The following NEXMIF variants were observed in gnomAD, a reference collection of about 807,000 sequenced individuals.
The protein encoded by NEXMIF is neurite extension and migration factor.
Under a neutral mutation model 62.1 loss-of-function variants are expected in NEXMIF, and 8 were observed. That is an observed-to-expected ratio of 0.13 (90% CI 0.08 to 0.23). NEXMIF has a LOEUF of 0.23. Among genes scored for constraint, NEXMIF ranks in the 10% least tolerant of loss-of-function variants. NEXMIF has a pLI of 1.00. For missense variants in NEXMIF, 976 were observed against 1,113.3 expected, an observed-to-expected ratio of 0.88 and a Z score of 1.75; for synonymous variants, 404 against 416.6, an observed-to-expected ratio of 0.97 and a Z score of 0.37.
At chrX:74,787,200 G>A (rs1462939143) in intron 1 of NEXMIF, among the ~76,000 whole-genome samples, 1 of 107,844 alleles carries the variant, frequency 9.3e-6, no homozygotes, top group African/African-American at 3.4e-5. Context: ...GGAGAATGGC[G>A]TGAACCCAGG....
chrX:74,874,277 A>C (rs2080618304), intron 1 of NEXMIF, among the ~76,000 whole-genome samples: 1 of 106,159 alleles, frequency 9.4e-6, no homozygotes, highest in Admixed American at 1.0e-4. Context: ...TGTTTTTCTC[A>C]GGTTTGTCAA....
At chrX:74,897,866 G>T (rs1201850944) in intron 1 of NEXMIF, among the ~76,000 whole-genome samples, 1 of 112,117 alleles carries the variant, frequency 8.9e-6, no homozygotes, top group Non-Finnish European at 1.9e-5. Flanking sequence ...GCTCCCAATG[G>T]CCAAAGCTGA....
intron 1 of NEXMIF, among the ~76,000 whole-genome samples, chrX:74,765,680 A>T (rs1487612608): frequency 9.1e-6 from 1 of 109,832 alleles, no homozygotes; most frequent in African/African-American, 3.3e-5. Flanking sequence ...TCCTTTGCTG[A>T]GGAAGCTTAA....
At chrX:74,757,593 T>C (rs2080163264) in intron 1 of NEXMIF, among the ~76,000 whole-genome samples, 1 of 112,146 alleles carries the variant, frequency 8.9e-6, no homozygotes, top group African/African-American at 3.2e-5. Flanking sequence ...TAGACCATTG[T>C]CCATTTTTTG....
chrX:74,832,725 CT>C (rs1228752390), intron 1 of NEXMIF, among the ~76,000 whole-genome samples: 1 of 110,635 alleles, frequency 9.0e-6, no homozygotes, highest in Non-Finnish European at 1.9e-5. Context: ...ATTTGAAGTT[CT>C]TTTTCTTTTT....
chrX:74,810,509 G>T (rs2147474468), intron 1 of NEXMIF, among the ~76,000 whole-genome samples: 1 of 110,114 alleles, frequency 9.1e-6, no homozygotes, highest in African/African-American at 3.3e-5. Context: ...CTGGGTTCTA[G>T]GCCGGGTGAG....
chrX:74,872,731 AC>A (rs895730273), intron 1 of NEXMIF, among the ~76,000 whole-genome samples: 1 of 109,819 alleles, frequency 9.1e-6, no homozygotes, highest in African/African-American at 3.3e-5. Context: ...TAGCCCATAT[AC>A]CCTGATGTGG....
intron 1 of NEXMIF, among the ~76,000 whole-genome samples, chrX:74,911,293 G>A (rs889507130): frequency 3.6e-5 from 4 of 110,992 alleles, no homozygotes; most frequent in African/African-American, 1.3e-4. Flanking sequence ...TGTGGCGGGT[G>A]CCTGTAATCC....
intron 1 of NEXMIF, among the ~76,000 whole-genome samples, chrX:74,819,526 G>A (rs1230143887): frequency 2.7e-5 from 3 of 111,887 alleles, no homozygotes; most frequent in Non-Finnish European, 5.6e-5. Flanking sequence ...AGGGAGCGAA[G>A]GATATGAAAA....
intron 1 of NEXMIF, among the ~76,000 whole-genome samples, chrX:74,910,190 C>T (rs1426354398): frequency 8.9e-6 from 1 of 112,391 alleles, no homozygotes; most frequent in Non-Finnish European, 1.9e-5. Flanking sequence ...GGAAAATCCA[C>T]ACTCAGTGCC....
intron 1 of NEXMIF, among the ~76,000 whole-genome samples, chrX:74,867,296 A>G (rs949375219): frequency 8.9e-6 from 1 of 111,929 alleles, no homozygotes; most frequent in Non-Finnish European, 1.9e-5. Flanking sequence ...ATTCGTATGG[A>G]ACCAAAAAAG....
chrX:74,765,437 AT>A (rs1449220318), intron 1 of NEXMIF, among the ~76,000 whole-genome samples: 1 of 111,700 alleles, frequency 9.0e-6, no homozygotes, highest in African/African-American at 3.3e-5. Context: ...CAAGATTAGT[AT>A]TCATATGTGC....
At chrX:74,760,801 T>C (rs1378914736) in intron 1 of NEXMIF, among the ~76,000 whole-genome samples, 5 of 110,722 alleles carry the variant, frequency 4.5e-5, no homozygotes, top group Non-Finnish European at 9.4e-5. Flanking sequence ...ATTGTGTTGA[T>C]GATTGATGCA....
In NEXMIF at chrX:74,737,067, A is replaced by G. The variant is rs1330524313; in HGVS notation, c.*2338T>C. ...GACAACTGCTCCCATATTTACTTTT[A>G]TAAAAACACATTGTATTAATGGAAC... On this transcript the variant is annotated 3_prime_UTR_variant, in exon 4 of 4. Coordinates refer to ENST00000055682, the MANE Select transcript of NEXMIF (RefSeq NM_001008537.3). 1.8e-5 allele frequency: 2 copies of G among 112,337 alleles called. No homozygotes were observed. Among genetic ancestry groups the G allele is most frequent in the Non-Finnish European group, 3.8e-5 (2 of 53,232 alleles). The allele number at this position is 112,337 out of a possible 1,213,427, so 9.3% of individuals were successfully genotyped here. A position where few individuals can be genotyped will look rare whatever the true frequency, so the allele number is the denominator to read the frequency against.
intron 1 of NEXMIF, among the ~76,000 whole-genome samples, chrX:74,758,238 A>C (rs2080164852): frequency 9.0e-6 from 1 of 110,960 alleles, no homozygotes; most frequent in Admixed American, 9.7e-5. Flanking sequence ...ATCTAACATA[A>C]AAAATTAATA....
In NEXMIF at chrX:74,737,640, T is replaced by C. The variant is rs1291573152; in HGVS notation, c.*1765A>G. ...AAGGAATCATGGACCGGGAAGTGTA[T>C]ATACTTATATACATGACAGGCTTCC... is the stretch of plus-strand genomic sequence containing the variant. On this transcript the variant is annotated 3_prime_UTR_variant, in exon 4 of 4. Transcript: ENST00000055682. 9.0e-6 allele frequency: 1 copy of C among 111,386 alleles called. No individual in the cohort carries two copies. The highest frequency in any genetic ancestry group is 1.9e-5 in the Non-Finnish European group (1 of 52,971). The allele number at this position is 111,386 out of a possible 1,213,427, so 9.2% of individuals were successfully genotyped here.
At chrX:74,898,891 C>A (rs2080740528) in intron 1 of NEXMIF, among the ~76,000 whole-genome samples, 1 of 111,252 alleles carries the variant, frequency 9.0e-6, no homozygotes, top group African/African-American at 3.3e-5. Context: ...AGTACCATCA[C>A]AAACAATACT....
chrX:74,770,236 CTTA>C (rs932567289), intron 1 of NEXMIF, among the ~76,000 whole-genome samples: 6 of 111,880 alleles, frequency 5.4e-5, no homozygotes, highest in African/African-American at 9.7e-5. Flanking sequence ...TTTATTATAT[CTTA>C]TTACTTTGTG....
intron 1 of NEXMIF, among the ~76,000 whole-genome samples, chrX:74,765,605 T>G (rs1164630102): frequency 1.8e-5 from 2 of 111,300 alleles, no homozygotes; most frequent in Non-Finnish European, 3.8e-5. Flanking sequence ...CAAGATCTCT[T>G]GTAAGGCAGT....
Sources: gnomAD v4.1 joint callset for allele counts (sites outside exome capture counted in the v4.1 genomes callset) on GRCh38, gnomAD v4.1.1 for gene constraint, MANE v1.5 for transcripts, NCBI Gene and HGNC (gene_info 2026-07-23, HGNC 2026-07-21) for gene names.